The following RABGAP1L variants were observed in gnomAD, a reference collection of about 807,000 sequenced individuals.
RABGAP1L encodes the protein rab GTPase-activating protein 1-like.
In RABGAP1L, 63 loss-of-function variants were observed where a neutral mutation model predicts 137.7. The observed-to-expected ratio is 0.46, with a 90% CI of 0.37 to 0.56. RABGAP1L has a LOEUF of 0.56. RABGAP1L is among the 20% of genes least tolerant of loss of function. The pLI is 0.00. For missense variants in RABGAP1L, 1,095 were observed against 1,244.0 expected, an observed-to-expected ratio of 0.88 and a Z score of 1.80; for synonymous variants, 431 against 433.7, an observed-to-expected ratio of 0.99 and a Z score of 0.08.
chr1:174,361,246 G>T (rs1684123490), intron 11 of RABGAP1L, among the ~76,000 whole-genome samples: 1 of 138,966 alleles, frequency 7.2e-6, no homozygotes, highest in Non-Finnish European at 1.5e-5. Context: ...TTTTTGCTCA[G>T]AATGGCTTTG....
At chr1:174,226,772 CT>C (rs147723001) in intron 3 of RABGAP1L, among the ~76,000 whole-genome samples, 1 of 150,120 alleles carries the variant, frequency 6.7e-6, no homozygotes, top group South Asian at 2.1e-4. Flanking sequence ...TTTCTTTTTC[CT>C]TTTTTTTTAA....
chr1:174,371,744 G>A (rs1019667328), intron 12 of RABGAP1L, among the ~76,000 whole-genome samples: 26 of 152,120 alleles, frequency 1.7e-4, no homozygotes, highest in South Asian at 4.1e-4. Context: ...TGTTGAATAT[G>A]CACTCAGATT....
chr1:174,651,104 T>A (rs865851908), intron 14 of RABGAP1L, among the ~76,000 whole-genome samples: 227 of 152,290 alleles, frequency 1.5e-3, no homozygotes, highest in Middle Eastern at 3.4e-3. Context: ...CCAGCAGTCA[T>A]TCAGGAGCAG....
At chr1:174,889,401 C>A (rs868552607) in intron 19 of RABGAP1L, among the ~76,000 whole-genome samples, 1 of 152,146 alleles carries the variant, frequency 6.6e-6, no homozygotes, top group South Asian at 2.1e-4. Context: ...GGATTACAGG[C>A]GTGAGCCACC....
At chr1:174,928,308 C>T (rs1663172765) in intron 19 of RABGAP1L, among the ~76,000 whole-genome samples, 1 of 151,916 alleles carries the variant, frequency 6.6e-6, no homozygotes, top group South Asian at 2.1e-4. Flanking sequence ...TCCTCCTATG[C>T]CATACAAACC....
intron 13 of RABGAP1L, among the ~76,000 whole-genome samples, chr1:174,536,793 G>A (rs1367970768): frequency 3.3e-5 from 5 of 152,106 alleles, no homozygotes; most frequent in Admixed American, 3.3e-4. Context: ...GCAGAAGGTA[G>A]AGTACCGGCA....
At position 174,241,421 on chromosome 1, in the gene RABGAP1L, G is replaced by T. The variant is rs1571734187; in HGVS notation, c.543-62G>T. 11 of 1,172,192 alleles carry T rather than the reference G, an allele frequency of 9.4e-6. No individual in the cohort carries two copies. In the East Asian group the frequency reaches 2.6e-4, roughly 28 times the overall value. The allele number at this position is 1,172,192 out of a possible 1,614,324, so 72.6% of individuals were successfully genotyped here. A position where few individuals can be genotyped will look rare whatever the true frequency, so the allele number is the denominator to read the frequency against. On this transcript the variant is annotated intron_variant, in intron 4 of 25. Transcript: ENST00000681986. ...TTTTTTAAAAAAAAAAACCTAACTG[G>T]AAATATGTCTTTGTTCTTCGAGAAT... is the stretch of plus-strand genomic sequence containing the variant.
chr1:174,738,444 T>TA (rs1320719964), intron 17 of RABGAP1L, among the ~76,000 whole-genome samples: 3 of 152,154 alleles, frequency 2.0e-5, no homozygotes, highest in Non-Finnish European at 4.4e-5. Flanking sequence ...TCTTACCTTG[T>TA]AAAATATATA....
intron 19 of RABGAP1L, among the ~76,000 whole-genome samples, chr1:174,841,539 A>G (rs1053214295): frequency 1.3e-5 from 2 of 152,082 alleles, no homozygotes; most frequent in East Asian, 3.8e-4. Flanking sequence ...AAAATTATCA[A>G]TAAACATAAA....
chr1:174,496,609 G>A (rs1012707172), intron 13 of RABGAP1L, among the ~76,000 whole-genome samples: 5 of 152,174 alleles, frequency 3.3e-5, no homozygotes, highest in Non-Finnish European at 7.3e-5. Flanking sequence ...AACAAGCACA[G>A]GATATTTAGT....
chr1:174,499,100 G>C (rs1661013626), intron 13 of RABGAP1L, among the ~76,000 whole-genome samples: 1 of 151,718 alleles, frequency 6.6e-6, no homozygotes, highest in Non-Finnish European at 1.5e-5. Context: ...AGAACTGGGG[G>C]GAAAATTAAA....
intron 10 of RABGAP1L, among the ~76,000 whole-genome samples, chr1:174,286,880 C>A (rs150718069): frequency 8.6e-5 from 13 of 152,000 alleles, no homozygotes; most frequent in African/African-American, 1.2e-4. Context: ...TAGTTTTATA[C>A]CATTGTGGTC....
At chr1:174,300,877 T>TCTC (rs1677636573) in intron 10 of RABGAP1L, among the ~76,000 whole-genome samples, 1 of 152,074 alleles carries the variant, frequency 6.6e-6, no homozygotes, top group Non-Finnish European at 1.5e-5. Context: ...AATGAATGAA[T>TCTC]GAATGAATGA....
chr1:174,329,392 A>G (rs978750704), intron 11 of RABGAP1L, among the ~76,000 whole-genome samples: 1 of 152,222 alleles, frequency 6.6e-6, no homozygotes, highest in Non-Finnish European at 1.5e-5. Flanking sequence ...TCACTGCTGA[A>G]TTCTAGAAAA....
At chr1:174,664,810 TCA>T (rs1676661032) in intron 14 of RABGAP1L, among the ~76,000 whole-genome samples, 4 of 146,696 alleles carry the variant, frequency 2.7e-5, no homozygotes, top group Admixed American at 2.1e-4. Flanking sequence ...TGATCTTGGC[TCA>T]CCGCAACCTC....
At chr1:174,713,367 A>G (rs1461451324) in intron 17 of RABGAP1L, among the ~76,000 whole-genome samples, 2 of 152,112 alleles carry the variant, frequency 1.3e-5, no homozygotes, top group Non-Finnish European at 2.9e-5. Flanking sequence ...TATGGTTTTG[A>G]TATTTGTCCC....
intron 12 of RABGAP1L, among the ~76,000 whole-genome samples, chr1:174,373,313 A>T (rs1031926937): frequency 1.3e-5 from 2 of 152,340 alleles, no homozygotes; most frequent in African/African-American, 4.8e-5. Flanking sequence ...AAGCATTTTA[A>T]TGCAGATAAT....
intron 11 of RABGAP1L, among the ~76,000 whole-genome samples, chr1:174,318,592 CTTTCTTT>C: frequency 7.4e-6 from 1 of 136,052 alleles, no homozygotes; most frequent in Non-Finnish European, 1.5e-5. Flanking sequence ...TTCTTTCTTT[CTTTCTTT>C]CTTTCTTTCT....
chr1:174,294,740 T>C (rs1359971128), intron 10 of RABGAP1L, among the ~76,000 whole-genome samples: 1 of 151,846 alleles, frequency 6.6e-6, no homozygotes. Context: ...ATTTGAGAGA[T>C]GTTAGGGAAG....
Sources: gnomAD v4.1 joint callset for allele counts (sites outside exome capture counted in the v4.1 genomes callset) on GRCh38, gnomAD v4.1.1 for gene constraint, MANE v1.5 for transcripts, NCBI Gene and HGNC (gene_info 2026-07-23, HGNC 2026-07-21) for gene names.